The following DPYD variants were observed in gnomAD, a reference collection of about 807,000 sequenced individuals.
DPYD encodes dihydropyrimidine dehydrogenase.
A neutral mutation model predicts 116.2 loss-of-function variants in DPYD; 109 were observed. The ratio of observed to expected loss-of-function variants is 0.94; its 90% CI spans 0.80 to 1.10. The LOEUF (loss-of-function observed/expected upper bound fraction) is 1.10. Ranked by LOEUF, DPYD falls within the 50% of genes least tolerant of loss-of-function variation. The pLI, the probability that DPYD is intolerant of heterozygous loss-of-function variation, is 0.00. For missense variants in DPYD, 1,302 were observed against 1,254.5 expected (o/e 1.04, Z -0.57); for synonymous variants, 440 against 432.0 (o/e 1.02, Z -0.23).
At chr1:97,628,048 A>G (rs1657036081) in intron 8 of DPYD, among the ~76,000 whole-genome samples, 1 of 152,014 alleles carries the variant, frequency 6.6e-6, no homozygotes, top group Non-Finnish European at 1.5e-5. Flanking sequence ...TTCCTATTTC[A>G]GAGACATTGA....
intron 4 of DPYD, among the ~76,000 whole-genome samples, chr1:97,739,389 G>A (rs777686129): frequency 3.3e-5 from 5 of 151,822 alleles, no homozygotes; most frequent in Admixed American, 6.6e-5. Flanking sequence ...CACAATAAGC[G>A]GTTTATCTAA....
At chr1:97,233,753 G>A (rs984013794) in intron 19 of DPYD, among the ~76,000 whole-genome samples, 1 of 152,010 alleles carries the variant, frequency 6.6e-6, no homozygotes, top group Non-Finnish European at 1.5e-5. Context: ...GTTGTTTCTC[G>A]GGTCTTGAGA....
intron 2 of DPYD, among the ~76,000 whole-genome samples, chr1:97,863,151 C>A (rs1671205734): frequency 6.6e-6 from 1 of 151,676 alleles, no homozygotes; most frequent in African/African-American, 2.4e-5. Flanking sequence ...ATATGGTATG[C>A]ATTGAGGGCA....
intron 8 of DPYD, among the ~76,000 whole-genome samples, chr1:97,609,511 T>G (rs1334673257): frequency 6.6e-6 from 1 of 152,010 alleles, no homozygotes; most frequent in Non-Finnish European, 1.5e-5. Context: ...TTAAAAATAT[T>G]TCTTATATAC....
chr1:97,783,073 T>C (rs1472559472), intron 3 of DPYD, among the ~76,000 whole-genome samples: 1 of 152,172 alleles, frequency 6.6e-6, no homozygotes, highest in Non-Finnish European at 1.5e-5. Context: ...CTCTCAAATG[T>C]CCCCTTTCTA....
intron 5 of DPYD, among the ~76,000 whole-genome samples, chr1:97,713,373 A>T (rs908438463): frequency 2.6e-5 from 4 of 152,140 alleles, no homozygotes; most frequent in Non-Finnish European, 5.9e-5. Context: ...ATTTCGTTAA[A>T]TTTCAAAGTT....
At chr1:97,711,216 T>C (rs1662267122) in intron 5 of DPYD, among the ~76,000 whole-genome samples, 2 of 151,906 alleles carry the variant, frequency 1.3e-5, no homozygotes, top group Admixed American at 1.3e-4. Context: ...TATTGGATAT[T>C]TGATAAACCA....
chr1:97,285,358 G>A (rs1665599605), intron 18 of DPYD, among the ~76,000 whole-genome samples: 1 of 152,112 alleles, frequency 6.6e-6, no homozygotes, highest in Admixed American at 6.5e-5. Context: ...GAGCAATCCT[G>A]CTTGCCTTAA....
intron 12 of DPYD, among the ~76,000 whole-genome samples, chr1:97,544,648 G>T (rs1650692570): frequency 6.9e-6 from 1 of 144,272 alleles, no homozygotes; most frequent in Non-Finnish European, 1.5e-5. Context: ...GATTCAGGAA[G>T]TTACAAGACA....
At chr1:97,463,322 T>G (rs1373821180) in intron 13 of DPYD, among the ~76,000 whole-genome samples, 3 of 152,316 alleles carry the variant, frequency 2.0e-5, no homozygotes, top group South Asian at 2.1e-4. Flanking sequence ...CTGCACTCTC[T>G]CTTTGCCTGC....
chr1:97,295,105 A>G (rs4950026), intron 18 of DPYD, among the ~76,000 whole-genome samples: 96,646 of 152,058 alleles, frequency 0.64, 31,010 homozygotes, highest in South Asian at 0.81. Flanking sequence ...ACTATGACAT[A>G]TCCTGGTTAT....
chr1:97,879,788 T>C (rs112713602), intron 2 of DPYD, among the ~76,000 whole-genome samples: 1 of 151,882 alleles, frequency 6.6e-6, no homozygotes, highest in Non-Finnish European at 1.5e-5. Flanking sequence ...TCTATTTTAA[T>C]AAACGATTTT....
At chr1:97,554,087 T>C (rs1651515329) in intron 11 of DPYD, among the ~76,000 whole-genome samples, 1 of 152,016 alleles carries the variant, frequency 6.6e-6, no homozygotes, top group African/African-American at 2.4e-5. Context: ...CATGAAATGA[T>C]TTTTTATACA....
At chr1:97,396,656 A>G (rs969990279) in intron 14 of DPYD, among the ~76,000 whole-genome samples, 2 of 152,032 alleles carry the variant, frequency 1.3e-5, no homozygotes, top group Non-Finnish European at 2.9e-5. Context: ...GCCCTTTATA[A>G]TCTGGCTCCA....
rs187288124 is a variant in DPYD at position 97,758,670 on chromosome 1, G to A, written c.234-18191C>T. 1.8e-4 allele frequency among the ~76,000 whole-genome samples: 27 copies of A among 152,244 alleles called. No individual in the cohort carries two copies. The East Asian group carries it at 3.9e-3, about 22-fold the overall frequency. On this transcript the variant is annotated intron_variant, in intron 3 of 22. Coordinates refer to ENST00000370192, the MANE Select transcript of DPYD (RefSeq NM_000110.4). ...TCCACCCTGTAGTTCTTGGCAGTCCGACTAGTAAAATTTTGGAATAAGTCC... is the reference window on the plus strand; with the variant it reads ...TCCACCCTGTAGTTCTTGGCAGTCCAACTAGTAAAATTTTGGAATAAGTCC...
chr1:97,407,387 C>T (rs940501758), intron 14 of DPYD, among the ~76,000 whole-genome samples: 2 of 152,160 alleles, frequency 1.3e-5, no homozygotes, highest in Non-Finnish European at 2.9e-5. Context: ...TCTTTGCTCT[C>T]ATTAACTATG....
intron 8 of DPYD, among the ~76,000 whole-genome samples, chr1:97,670,681 A>C (rs1659815108): frequency 6.6e-6 from 1 of 152,148 alleles, no homozygotes; most frequent in African/African-American, 2.4e-5. Flanking sequence ...GTATATGTTC[A>C]CTAATAACCC....
intron 16 of DPYD, among the ~76,000 whole-genome samples, chr1:97,333,517 A>ATTTTTTTTTTTTTTTTTT (rs778577478): frequency 1.0e-5 from 1 of 97,050 alleles, no homozygotes; most frequent in Non-Finnish European, 2.0e-5. Context: ...AAGTCTTAGG[A>ATTTTTTTTTTTTTTTTTT]TTTTTTTTTT....
intron 13 of DPYD, among the ~76,000 whole-genome samples, chr1:97,480,350 G>A (rs974143475): frequency 2.0e-5 from 3 of 152,100 alleles, no homozygotes; most frequent in Non-Finnish European, 2.9e-5. Flanking sequence ...ATGACCGATG[G>A]AAACTGACAG....
Sources: allele counts gnomAD v4.1 joint callset (sites outside exome capture counted in the v4.1 genomes callset), GRCh38; gene constraint gnomAD v4.1.1; transcripts MANE v1.5; gene names NCBI Gene and HGNC (gene_info 2026-07-23, HGNC 2026-07-21).